YIPF7: variants seen among roughly 807,000 people sequenced by gnomAD.
YIPF7 encodes protein YIPF7.
A neutral mutation model predicts 27.2 loss-of-function variants in YIPF7; 35 were observed. That is an observed-to-expected ratio of 1.29 (90% CI 0.98 to 1.70). YIPF7 has a LOEUF of 1.70. YIPF7 is among the 40% of genes most tolerant of loss of function. YIPF7 has a pLI of 0.00. For missense variants in YIPF7, 358 were observed against 303.7 expected (o/e 1.18, Z -1.33); for synonymous variants, 137 against 110.4 (o/e 1.24, Z -1.51).
At chr4:44,634,274 C>T (rs1348391107) in intron 3 of YIPF7, among the ~76,000 whole-genome samples, 1 of 152,126 alleles carries the variant, frequency 6.6e-6, no homozygotes, top group Non-Finnish European at 1.5e-5. Flanking sequence ...GGCTCATGCC[C>T]GTAATCCCAG....
intron 2 of YIPF7, among the ~76,000 whole-genome samples, chr4:44,643,176 G>C (rs1298015773): frequency 6.6e-6 from 1 of 152,188 alleles, no homozygotes; most frequent in African/African-American, 2.4e-5. Context: ...AGATCTCAGA[G>C]GGAGATGAGA....
chr4:44,646,728 C>A (rs367987591), intron 2 of YIPF7, among the ~76,000 whole-genome samples: 3 of 152,196 alleles, frequency 2.0e-5, no homozygotes, highest in South Asian at 2.1e-4. Flanking sequence ...AGTCACCCAG[C>A]TTTCAGATCA....
chr4:44,645,649 C>T (rs1713502133), intron 2 of YIPF7, among the ~76,000 whole-genome samples: 1 of 152,040 alleles, frequency 6.6e-6, no homozygotes, highest in Non-Finnish European at 1.5e-5. Flanking sequence ...AAATTCAGCA[C>T]ACTATTACAG....
chr4:44,635,842 G>T, intron 3 of YIPF7, 80 bp downstream of exon 3: 2 of 1,472,958 alleles, frequency 1.4e-6, no homozygotes, highest in Non-Finnish European at 1.8e-6. Flanking sequence ...TACACTGCAG[G>T]CTGACAGCAC....
upstream of YIPF7, among the ~76,000 whole-genome samples, chr4:44,653,014 T>C (rs111929578): frequency 0.017 from 2,649 of 152,184 alleles, 34 homozygotes; most frequent in Non-Finnish European, 0.028. Flanking sequence ...GGGAGAGGAT[T>C]TGAATACTCA....
intron 2 of YIPF7, among the ~76,000 whole-genome samples, chr4:44,649,474 A>C (rs1263670317): frequency 1.3e-5 from 2 of 152,200 alleles, no homozygotes; most frequent in Non-Finnish European, 2.9e-5. Flanking sequence ...AGACTTCTTA[A>C]AACAAGAACA....
At chr4:44,659,264 A>T (rs1002714062) in intron 2 of YIPF7, among the ~76,000 whole-genome samples, 1 of 151,490 alleles carries the variant, frequency 6.6e-6, no homozygotes, top group Non-Finnish European at 1.5e-5. Flanking sequence ...ATATGCACAC[A>T]TGGCTTCAAA....
intron 2 of YIPF7, among the ~76,000 whole-genome samples, chr4:44,638,383 A>G (rs1043150835): frequency 2.7e-4 from 41 of 152,294 alleles, no homozygotes; most frequent in African/African-American, 9.1e-4. Flanking sequence ...AAAACAGTCC[A>G]TCAAAAAGTA....
At position 44,622,397 on chromosome 4, in the gene YIPF7, G is replaced by T; in HGVS notation, c.*17C>A. The T allele has an allele frequency of 6.2e-7, 1 of 1,604,606 alleles. No individual in the cohort carries two copies. The highest frequency in any genetic ancestry group is 1.1e-5 in the South Asian group (1 of 88,872). ...TGGACAGCAAACAGAGTCTTGAAAT[G>T]CCATCTCAAACATTCTTTAGAAAAT... On this transcript the variant is annotated 3_prime_UTR_variant, in exon 6 of 6. Coordinates refer to ENST00000415895, the MANE Select transcript of YIPF7 (RefSeq NM_182592.3).
chr4:44,622,231 G>A lies in YIPF7; in HGVS notation c.*183C>T, dbSNP rs1427295893. 1.4e-6 allele frequency: 1 copy of A among 724,496 alleles called. No individual in the cohort carries two copies. Among genetic ancestry groups the A allele is most frequent in the African/African-American group, 1.8e-5 (1 of 55,506 alleles). The allele number at this position is 724,496 out of a possible 1,614,324, so 44.9% of individuals were successfully genotyped here. ...ATGTTTTAATGCACCAAACTCAAAA[G>A]CAAAACATCATTCAAACCAACAGGC... On this transcript the variant is annotated 3_prime_UTR_variant, in exon 6 of 6. Coordinates refer to ENST00000415895, the MANE Select transcript of YIPF7 (RefSeq NM_182592.3).
At chr4:44,646,642 T>C (rs533992376) in intron 2 of YIPF7, among the ~76,000 whole-genome samples, 13 of 152,340 alleles carry the variant, frequency 8.5e-5, no homozygotes, top group African/African-American at 2.9e-4. Flanking sequence ...TTTAAAAAGA[T>C]AATGATCCTA....
chr4:44,632,325 A>G (rs1712935846), intron 3 of YIPF7, among the ~76,000 whole-genome samples: 1 of 152,230 alleles, frequency 6.6e-6, no homozygotes, highest in Non-Finnish European at 1.5e-5. Context: ...TATGATACAT[A>G]TGCTATAAAA....
At chr4:44,651,446 TA>T (rs1713735895) in intron 1 of YIPF7, 107 bp downstream of exon 1, 2 of 587,322 alleles carry the variant, frequency 3.4e-6, no homozygotes. Context: ...TAAATTTTCA[TA>T]ACATGCAAAG....
chr4:44,633,260 T>C (rs55983651), intron 3 of YIPF7, among the ~76,000 whole-genome samples: 11 of 152,074 alleles, frequency 7.2e-5, no homozygotes, highest in Admixed American at 5.2e-4. Context: ...TTTGGGGAAA[T>C]TAACTCTGAG....
At chr4:44,632,347 T>A (rs150916378) in intron 3 of YIPF7, among the ~76,000 whole-genome samples, 1 of 152,340 alleles carries the variant, frequency 6.6e-6, no homozygotes. Flanking sequence ...TGAATTAAGA[T>A]CCCTACTTTC....
chr4:44,628,243 T>C (rs916298940), intron 4 of YIPF7, among the ~76,000 whole-genome samples: 1 of 152,158 alleles, frequency 6.6e-6, no homozygotes. Context: ...AGAAATAAGA[T>C]GTTATCGCTA....
chr4:44,633,403 T>G (rs1310643077), intron 3 of YIPF7, among the ~76,000 whole-genome samples: 1 of 152,050 alleles, frequency 6.6e-6, no homozygotes, highest in Non-Finnish European at 1.5e-5. Context: ...AAGATTACTT[T>G]CAACAAATGC....
intron 3 of YIPF7, among the ~76,000 whole-genome samples, chr4:44,633,479 T>C (rs536413502): frequency 6.6e-6 from 1 of 152,108 alleles, no homozygotes; most frequent in East Asian, 1.9e-4. Flanking sequence ...CATATTAAGC[T>C]TAAACAACTA....
Position 44,622,291 on chromosome 4 carries a change from C to G in YIPF7, c.*123G>C. On this transcript the variant is annotated 3_prime_UTR_variant, in exon 6 of 6. Transcript: ENST00000415895. ...ACCACCCTTAAGTGCTGCTTTGTCTCTCTGCTTATTACTCTCTCAAAAGCA... is the reference window on the plus strand; with the variant it reads ...ACCACCCTTAAGTGCTGCTTTGTCTGTCTGCTTATTACTCTCTCAAAAGCA... The G allele has an allele frequency of 8.1e-7, 1 of 1,239,050 alleles. No homozygotes were observed. Among genetic ancestry groups the G allele is most frequent in the Non-Finnish European group, 1.1e-6 (1 of 903,644 alleles). 76.8% of individuals were successfully genotyped at this position (1,239,050 alleles called of 1,614,324 possible). A position where few individuals can be genotyped will look rare whatever the true frequency, so the allele number is the denominator to read the frequency against.
Sources: allele counts gnomAD v4.1 joint callset (sites outside exome capture counted in the v4.1 genomes callset), GRCh38; gene constraint gnomAD v4.1.1; transcripts MANE v1.5; gene names NCBI Gene and HGNC (gene_info 2026-07-23, HGNC 2026-07-21).